IRX1: variants seen among roughly 807,000 people sequenced by gnomAD.
The protein encoded by IRX1 is iroquois homeobox 1.
IRX1 carries 22 observed loss-of-function variants against 34.1 expected under a neutral mutation model. The observed-to-expected ratio is 0.64, with a 90% confidence interval of 0.46 to 0.92. IRX1 has a LOEUF of 0.92. IRX1 is among the 40% of genes least tolerant of loss of function. The pLI, the probability that IRX1 is intolerant of heterozygous loss-of-function variation, is 0.00. For missense variants in IRX1, 758 were observed against 680.0 expected (o/e 1.11, Z -1.28); for synonymous variants, 363 against 319.0 (o/e 1.14, Z -1.47).
Position 3,596,015 on chromosome 5 carries a change from G to C in IRX1, c.-91G>C. 1 of 838,784 alleles carries C rather than the reference G, an allele frequency of 1.2e-6. No individual in the cohort carries two copies. Among genetic ancestry groups the C allele is most frequent in the Non-Finnish European group, 1.4e-6 (1 of 694,704 alleles). The allele number at this position is 838,784 out of a possible 1,614,324, so 52.0% of individuals were successfully genotyped here. On this transcript the variant is annotated 5_prime_UTR_variant, in exon 1 of 4. Transcript: ENST00000302006. ...GCCCGCTCCTCCCTAGACCCCTCGC[G>C]GCGCCCCCTGCAACCCCCTCCGGCC...
In IRX1 at chr5:3,600,621, T is replaced by C. The variant is rs1425473214; in HGVS notation, c.1325T>C (p.Val442Ala). ...SSPTLPERDL[V>A]PRPDSPAQQL... ...CGATCTCTCGCAGAGAGAGACCTCG[T>C]CCCCAGGCCAGATTCGCCGGCACAG... Residue 442 changes from valine to alanine, a missense_variant, in exon 3 of 4, where the codon GTC (valine) becomes GCC (alanine). By Grantham distance (64) the Val-to-Ala change is moderately conservative. Coordinates refer to ENST00000302006, the MANE Select transcript of IRX1 (RefSeq NM_024337.4). The C allele has an allele frequency of 6.2e-7, 1 of 1,613,300 alleles. No individual in the cohort carries two copies. Among genetic ancestry groups the C allele is most frequent in the South Asian group, 1.1e-5 (1 of 91,076 alleles).
intron 2 of IRX1, 24 bp downstream of exon 2, chr5:3,600,284 C>T (rs1299928572): frequency 6.5e-7 from 1 of 1,535,588 alleles, no homozygotes. Flanking sequence ...CCGCGTCCAC[C>T]TGTCCCCTAG....
At position 3,599,033 on chromosome 5, in the gene IRX1, A is replaced by G. The variant is rs1422383480; in HGVS notation, c.277-192A>G. ...GGTCCTGGCTCCCCTTCTCCCCAGC[A>G]GTGAACTGGGGGTGACTTCCTGATC... On this transcript the variant is annotated intron_variant, in intron 1 of 3. Coordinates refer to ENST00000302006, the MANE Select transcript of IRX1 (RefSeq NM_024337.4). This position sits in a 1 kb window ranked among gnomAD's most constrained non-coding sequence, Gnocchi z 6.6. Among the ~76,000 whole-genome samples, 1 of 152,146 alleles carries G rather than the reference A, an allele frequency of 6.6e-6. No individual in the cohort carries two copies. The highest frequency in any genetic ancestry group is 1.5e-5 in the Non-Finnish European group (1 of 68,014).
chr5:3,596,737 G>T (rs939400096), intron 1 of IRX1, among the ~76,000 whole-genome samples: 1 of 152,268 alleles, frequency 6.6e-6, no homozygotes, highest in East Asian at 2.0e-4. Flanking sequence ...GCAGGCCCAC[G>T]GGGTTCCTGC....
rs975542029 is a variant in IRX1 at position 3,601,299 on chromosome 5, CT to C, written c.*262del. ...TAAATGCCCCCACGTGCTTGTGTCT[CT>C]TTCCCCCCTTTTCTGTATATAGAGT... is the stretch of plus-strand genomic sequence containing the variant. On this transcript the variant is annotated 3_prime_UTR_variant, in exon 4 of 4. Transcript: ENST00000302006. 12 of 551,114 alleles carry C rather than the reference CT, an allele frequency of 2.2e-5. No homozygotes were observed. Among genetic ancestry groups the C allele is most frequent in the African/African-American group, 1.9e-4 (10 of 52,704 alleles). The allele number at this position is 551,114 out of a possible 1,614,324, so 34.1% of individuals were successfully genotyped here.
chr5:3,596,395 G>A lies in IRX1; in HGVS notation c.276+14G>A. 1 of 1,499,212 alleles carries A rather than the reference G, an allele frequency of 6.7e-7. No individual in the cohort carries two copies. Among genetic ancestry groups the A allele is most frequent in the South Asian group, 1.3e-5 (1 of 78,298 alleles). 92.9% of individuals were successfully genotyped at this position (1,499,212 alleles called of 1,614,324 possible). On this transcript the variant is annotated intron_variant, in intron 1 of 3. Transcript: ENST00000302006. ...TTCTCGCAGATGGTGAGTGCGCCCG[G>A]CCTCCCCCGCTTCTCCTCTGTCTCA...
At position 3,600,194 on chromosome 5, in the gene IRX1, G is replaced by T. The variant is rs1199646591; in HGVS notation, c.1246G>T (p.Val416Phe). 2 of 1,611,942 alleles carry T rather than the reference G, an allele frequency of 1.2e-6. No individual in the cohort carries two copies. Among genetic ancestry groups the T allele is most frequent in the Non-Finnish European group, 1.7e-6 (2 of 1,179,678 alleles). Residue 416 changes from valine (V) to phenylalanine (F), a missense_variant, in exon 2 of 4, where the codon GTC (valine) becomes TTC (phenylalanine). By Grantham distance (50) the Val-to-Phe change is conservative (BLOSUM62 -1). Around this residue, in one of 3 missense-constraint regions of IRX1, gnomAD observed 529 missense variants for 418.8 expected, o/e 1.26. Transcript: ENST00000302006. ...LPAPPPPQPP[V>F]AIAPGALNGD... ...TGCACCTCCACCACCGCAGCCGCCG[G>T]TCGCTATTGCCCCGGGGGCACTCAA...
intron 1 of IRX1, among the ~76,000 whole-genome samples, chr5:3,597,104 T>G (rs1255216168): frequency 6.6e-6 from 1 of 152,204 alleles, no homozygotes; most frequent in Non-Finnish European, 1.5e-5. Flanking sequence ...AGAAAAGCAC[T>G]TTTCTTCCTG....
intron 1 of IRX1, among the ~76,000 whole-genome samples, chr5:3,598,810 T>A (rs894726030): frequency 6.6e-6 from 1 of 152,164 alleles, no homozygotes; most frequent in Non-Finnish European, 1.5e-5. Flanking sequence ...GGTTTTTCCC[T>A]CTAGCTAGTG....
At position 3,599,182 on chromosome 5, in the gene IRX1, T is replaced by A. The variant is rs373611174; in HGVS notation, c.277-43T>A. Reference sequence around the variant, plus strand: ...TCTCTCTCTCCCTTTCTCTCTCCACTTCCCTCCTCTCTCTCCTCGATGGAT... The same window carrying A: ...TCTCTCTCTCCCTTTCTCTCTCCACATCCCTCCTCTCTCTCCTCGATGGAT... On this transcript the variant is annotated intron_variant, in intron 1 of 3. Coordinates refer to ENST00000302006, the MANE Select transcript of IRX1 (RefSeq NM_024337.4). The surrounding 1 kb of genome is among the most constrained non-coding windows in gnomAD (Gnocchi z 6.6). The A allele has an allele frequency of 3.0e-5, 47 of 1,562,472 alleles. No individual in the cohort carries two copies. Among genetic ancestry groups the A allele is most frequent in the Non-Finnish European group, 3.8e-5 (43 of 1,145,340 alleles).
At chr5:3,600,915 G>A (rs2111299772) in intron 3 of IRX1, 68 bp from the exon 4 acceptor site, 1 of 1,523,180 alleles carries the variant, frequency 6.6e-7, no homozygotes, top group African/African-American at 1.4e-5. Context: ...TGGAACCGGC[G>A]TCGCCCGGCG....
At position 3,600,633 on chromosome 5, in the gene IRX1, A is replaced by T; in HGVS notation, c.1337A>T (p.Asp446Val). 6.2e-7 allele frequency: 1 copy of T among 1,612,586 alleles called. No homozygotes were observed. The highest frequency in any genetic ancestry group is 1.7e-5 in the Admixed American group (1 of 59,974). Residue 446 changes from aspartate (D) to valine (V), a missense_variant, in exon 3 of 4, where the codon GAT becomes GTT. Asp to Val is a radical substitution (Grantham distance 152). This residue lies in a region of IRX1 where 529 missense variants were observed against 418.8 expected (regional missense o/e 1.26). Coordinates refer to ENST00000302006, the MANE Select transcript of IRX1 (RefSeq NM_024337.4). ...GAGAGAGACCTCGTCCCCAGGCCAG[A>T]TTCGCCGGCACAGCAGTTAAAGTCG... ...LPERDLVPRPDSPAQQLKSPF... is the reference protein window; with the variant it reads ...LPERDLVPRPVSPAQQLKSPF...
At chr5:3,600,506 G>C in intron 2 of IRX1, 103 bp from the exon 3 acceptor site, 1 of 1,112,974 alleles carries the variant, frequency 9.0e-7, no homozygotes. Flanking sequence ...GACGTTTTTC[G>C]GCGAATCTGC....
chr5:3,599,775 A>T lies in IRX1; in HGVS notation c.827A>T (p.Lys276Met), dbSNP rs781434793. The T allele has an allele frequency of 1.2e-6, 2 of 1,607,902 alleles. No individual in the cohort carries two copies. Among genetic ancestry groups the T allele is most frequent in the East Asian group, 4.5e-5 (2 of 44,610 alleles). Reference sequence around the variant, plus strand: ...CCGCTGGCAGCAGCCGACGTTCTCAAGCCCCAGGACTCGCCCTTGGGCCTG... The same window carrying T: ...CCGCTGGCAGCAGCCGACGTTCTCATGCCCCAGGACTCGCCCTTGGGCCTG... Reference protein sequence around the residue: ...GSPLAAADVLKPQDSPLGLAK... With the variant: ...GSPLAAADVLMPQDSPLGLAK... Residue 276 changes from lysine (K) to methionine (M), a missense_variant, in exon 2 of 4, where the codon AAG (lysine) becomes ATG (methionine). Lys to Met is a moderately conservative substitution (Grantham distance 95, BLOSUM62 -1). Coordinates refer to ENST00000302006, the MANE Select transcript of IRX1 (RefSeq NM_024337.4). This position sits in a 1 kb window ranked among gnomAD's most constrained non-coding sequence, Gnocchi z 6.6.
chr5:3,596,426 G>C (rs1253819008), intron 1 of IRX1, 45 bp downstream of exon 1: 1 of 1,424,408 alleles, frequency 7.0e-7, no homozygotes, highest in Admixed American at 2.8e-5. Flanking sequence ...TCTCACCCGC[G>C]CCAGGGCAAG....
At position 3,599,558 on chromosome 5, in the gene IRX1, G is replaced by T. The variant is rs778874032; in HGVS notation, c.610G>T (p.Ala204Ser). 9.9e-6 allele frequency: 16 copies of T among 1,614,126 alleles called. No homozygotes were observed. Among genetic ancestry groups the T allele is most frequent in the Non-Finnish European group, 1.4e-5 (16 of 1,180,028 alleles). ...GARSKDQEDG[A>S]LFGSDTEGDP... The stretch of plus-strand genomic sequence containing the variant: ...GCGCAGCAAGGACCAGGAAGATGGA[G>T]CGCTCTTCGGCAGCGACACCGAGGG... The change falls in exon 2 of 4, where the codon GCG (alanine) becomes TCG (serine). Residue 204 changes from alanine to serine, a missense_variant. Ala to Ser is a moderately conservative substitution (Grantham distance 99). Coordinates refer to ENST00000302006, the MANE Select transcript of IRX1 (RefSeq NM_024337.4). The surrounding 1 kb of genome is among the most constrained non-coding windows in gnomAD (Gnocchi z 6.6).
Position 3,600,118 on chromosome 5 carries a change from C to T in IRX1, c.1170C>T (p.Ser390=), listed in dbSNP as rs1475674145. ...AGGGCTCCCTGCTCAACATGCGCTCCTTCCTGGGCGTTGGCGCTCCCCACG... is the reference window on the plus strand; with the variant it reads ...AGGGCTCCCTGCTCAACATGCGCTCTTTCCTGGGCGTTGGCGCTCCCCACG... ...LAQGSLLNMR[S]FLGVGAPHAA... The change falls in exon 2 of 4, where the codon TCC becomes TCT. Residue 390 remains serine, a synonymous_variant. Transcript: ENST00000302006. The T allele has an allele frequency of 6.2e-7, 1 of 1,613,368 alleles. No homozygotes were observed.
Position 3,595,873 on chromosome 5 carries a change from A to C in IRX1, c.-233A>C, listed in dbSNP as rs1394146679. ...CCGCCGAGCGGAGGGCGGCCGCCGC[A>C]GTCGGCGCGCGATTGCGGATCCGGG... On this transcript the variant is annotated 5_prime_UTR_variant, in exon 1 of 4. Coordinates refer to ENST00000302006, the MANE Select transcript of IRX1 (RefSeq NM_024337.4). Among the ~76,000 whole-genome samples the C allele has an allele frequency of 1.3e-5, 2 of 150,896 alleles. No individual in the cohort carries two copies. Among genetic ancestry groups the C allele is most frequent in the Non-Finnish European group, 3.0e-5 (2 of 67,590 alleles).
chr5:3,600,853 C>T (rs1733947404), intron 3 of IRX1, 130 bp from the exon 4 acceptor site: 1 of 1,198,398 alleles, frequency 8.3e-7, no homozygotes, highest in Admixed American at 1.8e-5. Flanking sequence ...TGGAGTTTCT[C>T]CCCAGCCGGG....
Sources: gnomAD v4.1 joint callset for allele counts (sites outside exome capture counted in the v4.1 genomes callset) on GRCh38, gnomAD v4.1.1 for gene constraint, gnomAD v4.1.1 regional missense constraint, Gnocchi (gnomAD v3.1) non-coding constraint, MANE v1.5 for transcripts, NCBI Gene and HGNC (gene_info 2026-07-23, HGNC 2026-07-21) for gene names.